The following OPCML variants were observed in gnomAD, a reference collection of about 807,000 sequenced individuals.
The protein encoded by OPCML is opioid binding protein/cell adhesion molecule like, also known as opioid-binding protein/cell adhesion molecule.
A neutral mutation model predicts 37.8 loss-of-function variants in OPCML; 13 were observed. The observed-to-expected ratio is 0.34, with a 90% confidence interval of 0.22 to 0.55. The LOEUF is 0.55. Among genes scored for constraint, OPCML ranks in the 20% least tolerant of loss-of-function variants. The pLI, the probability that OPCML is intolerant of heterozygous loss-of-function variation, is 0.91. For missense variants in OPCML, 341 were observed against 435.6 expected (o/e 0.78, Z 1.93); for synonymous variants, 176 against 168.8 (o/e 1.04, Z -0.33).
intron 1 of OPCML, among the ~76,000 whole-genome samples, chr11:133,309,283 C>A (rs1218862152): frequency 6.6e-6 from 1 of 152,176 alleles, no homozygotes; most frequent in African/African-American, 2.4e-5. Flanking sequence ...ATCTCATATA[C>A]CAGCTGCTGT....
intron 2 of OPCML, among the ~76,000 whole-genome samples, chr11:132,782,337 A>C (rs1947060903): frequency 6.6e-6 from 1 of 152,050 alleles, no homozygotes; most frequent in Non-Finnish European, 1.5e-5. Flanking sequence ...CTGGCATGGC[A>C]CTGCACACCC....
chr11:132,709,890 T>C (rs1944189174), intron 2 of OPCML, among the ~76,000 whole-genome samples: 1 of 152,200 alleles, frequency 6.6e-6, no homozygotes, highest in African/African-American at 2.4e-5. Flanking sequence ...ATTTAAGCAT[T>C]GGTCAGTGCC....
intron 2 of OPCML, among the ~76,000 whole-genome samples, chr11:132,831,288 C>G (rs34814382): frequency 6.6e-6 from 1 of 152,124 alleles, no homozygotes; most frequent in African/African-American, 2.4e-5. Flanking sequence ...ATTTGTGTTT[C>G]AATGCTCATT....
At chr11:132,940,388 G>GT (rs1945537234) in intron 2 of OPCML, among the ~76,000 whole-genome samples, 2 of 152,176 alleles carry the variant, frequency 1.3e-5, no homozygotes, top group South Asian at 2.1e-4. Context: ...ATCATTCAGT[G>GT]TTTTTTGGTG....
intron 1 of OPCML, among the ~76,000 whole-genome samples, chr11:133,484,936 G>A (rs1285637385): frequency 6.6e-6 from 1 of 151,950 alleles, no homozygotes; most frequent in Non-Finnish European, 1.5e-5. Context: ...AGGAAAAAAG[G>A]AAATTTCCTA....
intron 1 of OPCML, among the ~76,000 whole-genome samples, chr11:133,417,422 C>T (rs1945792470): frequency 6.6e-6 from 1 of 152,042 alleles, no homozygotes; most frequent in Non-Finnish European, 1.5e-5. Flanking sequence ...GCATAATTTG[C>T]CCAAGATCAC....
chr11:132,653,730 G>A (rs919910289), intron 3 of OPCML, among the ~76,000 whole-genome samples: 4 of 152,168 alleles, frequency 2.6e-5, no homozygotes, highest in African/African-American at 4.8e-5. Context: ...TCTCTCAGGC[G>A]CTCCCATGGC....
chr11:132,426,939 A>G (rs1231604899), intron 7 of OPCML, among the ~76,000 whole-genome samples: 1 of 152,226 alleles, frequency 6.6e-6, no homozygotes, highest in African/African-American at 2.4e-5. Flanking sequence ...TCAGAAAAAA[A>G]TATAGAAGCT....
intron 4 of OPCML, among the ~76,000 whole-genome samples, chr11:132,446,584 A>ATTTATACTCTTTATACAAT (rs2096055930): frequency 6.6e-6 from 1 of 152,156 alleles, no homozygotes; most frequent in Admixed American, 6.5e-5. Context: ...AGTAGAGCTT[A>ATTTATACTCTTTATACAAT]AACAGCTAAG....
intron 3 of OPCML, among the ~76,000 whole-genome samples, chr11:132,641,912 C>T (rs983737304): frequency 2.6e-5 from 4 of 152,196 alleles, no homozygotes; most frequent in African/African-American, 7.2e-5. Context: ...ATTCAGGGCT[C>T]ACATCGGCAG....
At chr11:133,514,592 T>C (rs1948223806) in intron 1 of OPCML, among the ~76,000 whole-genome samples, 1 of 152,232 alleles carries the variant, frequency 6.6e-6, no homozygotes, top group African/African-American at 2.4e-5. Flanking sequence ...CTTTTTTAAA[T>C]ATTTAGGACA....
chr11:133,094,039 G>A (rs1233608465), intron 1 of OPCML, among the ~76,000 whole-genome samples: 1 of 152,056 alleles, frequency 6.6e-6, no homozygotes. Context: ...GTCCCCTCGT[G>A]TGTCTAAATA....
intron 2 of OPCML, among the ~76,000 whole-genome samples, chr11:132,734,745 G>A (rs1218560931): frequency 6.6e-6 from 1 of 152,238 alleles, no homozygotes; most frequent in Non-Finnish European, 1.5e-5. Flanking sequence ...TAGAAAAGAG[G>A]TGTTGCCGAC....
chr11:133,296,553 T>G (rs904081709), intron 1 of OPCML, among the ~76,000 whole-genome samples: 1 of 152,208 alleles, frequency 6.6e-6, no homozygotes, highest in African/African-American at 2.4e-5. Context: ...AAATGTTAAT[T>G]TCATTTCTCA....
intron 1 of OPCML, among the ~76,000 whole-genome samples, chr11:133,464,684 G>T (rs1023252753): frequency 2.0e-5 from 3 of 152,170 alleles, no homozygotes; most frequent in African/African-American, 7.2e-5. Flanking sequence ...CTGTGTGGCT[G>T]AGGTGGACAC....
rs79599235 is a variant in OPCML at position 132,984,573 on chromosome 11, C to G, written c.62-41563G>C. ...GGCTTAAAATGTTAACTAGTCCAAG[C>G]TGCCTGGCAGCCACAGCTGTAACTC... On this transcript the variant is annotated intron_variant, in intron 1 of 7. Coordinates refer to ENST00000524381, the MANE Select transcript of OPCML (RefSeq NM_001012393.5). Among the ~76,000 whole-genome samples the G allele has an allele frequency of 7.9e-5, 12 of 152,284 alleles. No homozygotes were observed. In the East Asian group the frequency reaches 2.1e-3, roughly 27 times the overall value.
intron 1 of OPCML, among the ~76,000 whole-genome samples, chr11:133,347,115 A>T (rs1250721857): frequency 6.6e-6 from 1 of 152,232 alleles, no homozygotes; most frequent in East Asian, 1.9e-4. Flanking sequence ...TGGTGGTGCC[A>T]AAGAATGTAT....
intron 4 of OPCML, among the ~76,000 whole-genome samples, chr11:132,520,130 G>A (rs2096289174): frequency 6.6e-6 from 1 of 152,180 alleles, no homozygotes; most frequent in Admixed American, 6.5e-5. Flanking sequence ...ACTTAGGAAA[G>A]GCAAGGCAAG....
rs925446208 is a variant in OPCML at position 132,419,983 on chromosome 11, G to A, written c.*210C>T. On this transcript the variant is annotated 3_prime_UTR_variant, in exon 8 of 8. Coordinates refer to ENST00000524381, the MANE Select transcript of OPCML (RefSeq NM_001012393.5). ...ACACCAATGAATGATTATCCTACAC[G>A]TGGTAGAACCCTGCCCACCCCGCCC... The A allele has an allele frequency of 3.9e-5, 21 of 536,060 alleles. No individual in the cohort carries two copies. The highest frequency in any genetic ancestry group is 5.7e-5 in the Non-Finnish European group (17 of 300,206). The allele number at this position is 536,060 out of a possible 1,614,324, so 33.2% of individuals were successfully genotyped here. A position where few individuals can be genotyped will look rare whatever the true frequency, so the allele number is the denominator to read the frequency against.
Sources: allele counts gnomAD v4.1 joint callset (sites outside exome capture counted in the v4.1 genomes callset), GRCh38; gene constraint gnomAD v4.1.1; transcripts MANE v1.5; gene names NCBI Gene and HGNC (gene_info 2026-07-23, HGNC 2026-07-21).